Variants in B4GALT6 observed in about 807,000 individuals in gnomAD.
The protein encoded by B4GALT6 is beta-1,4-galactosyltransferase 6.
Under a neutral mutation model 46.3 loss-of-function variants are expected in B4GALT6, and 14 were observed. The observed-to-expected ratio is 0.30, with a 90% CI of 0.20 to 0.47. B4GALT6 has a LOEUF of 0.47. Ranked by LOEUF, B4GALT6 falls within the 20% of genes least tolerant of loss-of-function variation. The pLI, the probability that B4GALT6 is intolerant of heterozygous loss-of-function variation, is 0.99. For synonymous variants in B4GALT6, 168 were observed against 162.0 expected, an observed-to-expected ratio of 1.04 and a Z score of -0.28; for missense variants, 386 against 480.1, an observed-to-expected ratio of 0.80 and a Z score of 1.83.
chr18:31,692,371 A>G, the B4GALT6 span, among the ~76,000 whole-genome samples: 2 of 152,178 alleles, frequency 1.3e-5, no homozygotes, highest in African/African-American at 4.8e-5. Context: ...AGTACTTCCT[A>G]TAGTCAACCC....
the B4GALT6 span, among the ~76,000 whole-genome samples, chr18:31,702,181 T>A: frequency 1.3e-5 from 2 of 152,246 alleles, no homozygotes; most frequent in African/African-American, 4.8e-5. Context: ...CTGTCAATGG[T>A]AGTATAGACT....
chr18:31,665,438 A>G (rs558805600), intron 2 of B4GALT6, among the ~76,000 whole-genome samples: 25 of 152,298 alleles, frequency 1.6e-4, no homozygotes, highest in African/African-American at 6.0e-4. Flanking sequence ...TCCAGGTAAC[A>G]TTTTAAAAAG....
chr18:31,656,655 A>C (rs1158567852), intron 3 of B4GALT6, among the ~76,000 whole-genome samples: 1 of 152,150 alleles, frequency 6.6e-6, no homozygotes, highest in Non-Finnish European at 1.5e-5. Flanking sequence ...GAAAAGGTTT[A>C]AGACCAAAAA....
intron 1 of B4GALT6, among the ~76,000 whole-genome samples, chr18:31,682,235 A>G (rs2074488138): frequency 6.6e-6 from 1 of 152,222 alleles, no homozygotes; most frequent in African/African-American, 2.4e-5. Flanking sequence ...TCAAACTTTC[A>G]AGCGAAAATC....
At chr18:31,720,745 G>A in the B4GALT6 span, among the ~76,000 whole-genome samples, 70,673 of 152,092 alleles carry the variant, frequency 0.46, 19,239 homozygotes, top group South Asian at 0.66. Context: ...CTCACCACCC[G>A]TGCCATAGGG....
chr18:31,668,565 T>C (rs2074309904), intron 1 of B4GALT6, among the ~76,000 whole-genome samples: 1 of 152,208 alleles, frequency 6.6e-6, no homozygotes, highest in Admixed American at 6.5e-5. Context: ...TTTTGCCATC[T>C]ATGTTTTTGT....
At chr18:31,663,682 C>A (rs1156875990) in intron 2 of B4GALT6, among the ~76,000 whole-genome samples, 1 of 152,136 alleles carries the variant, frequency 6.6e-6, no homozygotes, top group Non-Finnish European at 1.5e-5. Context: ...TTTTTGTACA[C>A]CTTATAGGCC....
At chr18:31,676,390 C>T (rs1435189770) in intron 1 of B4GALT6, among the ~76,000 whole-genome samples, 1 of 152,104 alleles carries the variant, frequency 6.6e-6, no homozygotes, top group Non-Finnish European at 1.5e-5. Flanking sequence ...AAATTACTTC[C>T]ACTGAGTAAC....
intron 6 of B4GALT6, among the ~76,000 whole-genome samples, chr18:31,630,342 C>T (rs535073348): frequency 1.7e-4 from 26 of 152,040 alleles, no homozygotes; most frequent in African/African-American, 6.3e-4. Context: ...TCTTTCATGT[C>T]CTTTTAAGTT....
intron 2 of B4GALT6, among the ~76,000 whole-genome samples, chr18:31,662,066 G>A (rs1293776094): frequency 6.6e-6 from 1 of 152,192 alleles, no homozygotes; most frequent in Non-Finnish European, 1.5e-5. Context: ...GAGTCAGATG[G>A]CAACAGGAGG....
In B4GALT6 at chr18:31,656,464, GACAGT is replaced by G. The variant is rs373987975; in HGVS notation, c.346+1507_346+1511del. 3.9e-3 allele frequency among the ~76,000 whole-genome samples: 593 copies of G among 151,922 alleles called. 3 individuals carry two copies. The highest frequency in any genetic ancestry group is 0.012 in the African/African-American group (493 of 41,468). ...AATAGCCGTGTGGCTTCTGAGTGTTGACAGTACAGTATAGTGTTTTTTTTAAAATA... is the reference window on the plus strand; with the variant it reads ...AATAGCCGTGTGGCTTCTGAGTGTTGACAGTATAGTGTTTTTTTTAAAATA... On this transcript the variant is annotated intron_variant, in intron 3 of 8. Transcript: ENST00000306851.
At chr18:31,653,281 C>T (rs565895992) in intron 3 of B4GALT6, among the ~76,000 whole-genome samples, 11 of 152,074 alleles carry the variant, frequency 7.2e-5, no homozygotes, top group East Asian at 1.9e-4. Context: ...GACCACTCTC[C>T]AGTCCGGGAA....
the B4GALT6 span, among the ~76,000 whole-genome samples, chr18:31,708,375 G>A: frequency 6.6e-6 from 1 of 152,162 alleles, no homozygotes; most frequent in Non-Finnish European, 1.5e-5. Context: ...GACCAGCTTA[G>A]CCAACATGGT....
chr18:31,692,284 C>T, the B4GALT6 span, among the ~76,000 whole-genome samples: 4 of 152,170 alleles, frequency 2.6e-5, no homozygotes, highest in Non-Finnish European at 2.9e-5. Flanking sequence ...TGCTGGCAAA[C>T]ACTTTCCCAA....
chr18:31,710,306 G>C, the B4GALT6 span, among the ~76,000 whole-genome samples: 1 of 152,118 alleles, frequency 6.6e-6, no homozygotes, highest in East Asian at 1.9e-4. Context: ...GTGATCACAT[G>C]ATATCGGCTA....
chr18:31,684,207 G>C, intron 1 of B4GALT6, 105 bp downstream of exon 1: 1 of 1,536,964 alleles, frequency 6.5e-7, no homozygotes, highest in African/African-American at 1.4e-5. Flanking sequence ...GCTTTTCTGC[G>C]GGCCCCTGTT....
chr18:31,689,021 G>C (rs2030022201), upstream of B4GALT6, among the ~76,000 whole-genome samples: 1 of 152,082 alleles, frequency 6.6e-6, no homozygotes, highest in African/African-American at 2.4e-5. Flanking sequence ...ACTATATAAA[G>C]TGTACTACAT....
At chr18:31,682,365 T>C (rs2074489641) in intron 1 of B4GALT6, among the ~76,000 whole-genome samples, 1 of 152,200 alleles carries the variant, frequency 6.6e-6, no homozygotes, top group Admixed American at 6.5e-5. Flanking sequence ...TCACAGCATT[T>C]TGTAAGTTTT....
chr18:31,627,292 T>A (rs1193212369), intron 6 of B4GALT6, among the ~76,000 whole-genome samples, 171 bp from the exon 7 acceptor site: 1 of 152,048 alleles, frequency 6.6e-6, no homozygotes. Flanking sequence ...TATATTCTAG[T>A]GAAACAAGTA....
Sources: gnomAD v4.1 joint callset for allele counts (sites outside exome capture counted in the v4.1 genomes callset) on GRCh38, gnomAD v4.1.1 for gene constraint, MANE v1.5 for transcripts, NCBI Gene and HGNC (gene_info 2026-07-23, HGNC 2026-07-21) for gene names.